DYNC2I1: variants seen among roughly 807,000 people sequenced by gnomAD.
The protein encoded by DYNC2I1 is dynein 2 intermediate chain 1.
DYNC2I1 carries 89 observed loss-of-function variants against 133.4 expected under a neutral mutation model. That is an observed-to-expected ratio of 0.67 (90% CI 0.56 to 0.80). The LOEUF is 0.80. Among genes scored for constraint, DYNC2I1 ranks in the 30% least tolerant of loss-of-function variants. The pLI is 0.00. For missense variants in DYNC2I1, 1,291 were observed against 1,314.5 expected (o/e 0.98, Z 0.28); for synonymous variants, 504 against 484.3 (o/e 1.04, Z -0.54).
intron 1 of DYNC2I1, among the ~76,000 whole-genome samples, chr7:158,857,030 C>T (rs1563062212): frequency 1.3e-5 from 2 of 152,086 alleles, no homozygotes; most frequent in Non-Finnish European, 2.9e-5. Context: ...TCTCCTCGCG[C>T]CCGGCCTGGA....
intron 24 of DYNC2I1, among the ~76,000 whole-genome samples, chr7:158,942,421 T>C (rs1394603942): frequency 1.3e-5 from 2 of 152,336 alleles, no homozygotes; most frequent in East Asian, 3.9e-4. Context: ...CACGGGCCTG[T>C]TCCCACACCA....
chr7:158,877,082 C>T (rs902025685), intron 4 of DYNC2I1, among the ~76,000 whole-genome samples: 9 of 152,234 alleles, frequency 5.9e-5, no homozygotes, highest in African/African-American at 1.7e-4. Flanking sequence ...ACATTTTGAG[C>T]CTTTTCCTGA....
chr7:158,922,355 A>G (rs1481053210), intron 15 of DYNC2I1, 22 bp from the exon 16 acceptor site: 4 of 1,605,046 alleles, frequency 2.5e-6, no homozygotes, highest in African/African-American at 1.3e-5. Flanking sequence ...TTGAAATGTG[A>G]ACATATTTTT....
At chr7:158,947,037 A>G (rs2730218), downstream of DYNC2I1, among the ~76,000 whole-genome samples, 129,490 of 152,272 alleles carry the variant, frequency 0.85, 55,190 homozygotes, top group East Asian at 0.95. Flanking sequence ...CTTTTTAATC[A>G]TTGATTTGAA....
intron 10 of DYNC2I1, chr7:158,905,333 G>A: frequency 3.4e-6 from 1 of 294,304 alleles, no homozygotes; most frequent in Non-Finnish European, 6.6e-6. Flanking sequence ...TAGAGACGGG[G>A]TTTTGCCATG....
At chr7:158,897,983 A>G (rs1037559824) in intron 8 of DYNC2I1, among the ~76,000 whole-genome samples, 8 of 152,020 alleles carry the variant, frequency 5.3e-5, no homozygotes, top group Non-Finnish European at 8.8e-5. Flanking sequence ...TTCTCTTGAG[A>G]TTTGTTTTTT....
intron 14 of DYNC2I1, 117 bp from the exon 15 acceptor site, chr7:158,918,623 C>T (rs780961534): frequency 4.9e-5 from 56 of 1,152,558 alleles, no homozygotes; most frequent in South Asian, 8.8e-5. Context: ...GTTATGATAG[C>T]GTCATGGATC....
chr7:158,873,680 G>A (rs114104006), intron 3 of DYNC2I1, among the ~76,000 whole-genome samples: 151 of 152,238 alleles, frequency 9.9e-4, no homozygotes, highest in African/African-American at 3.6e-3. Context: ...AGGTTGTAGT[G>A]CAGTGGTGTG....
intron 14 of DYNC2I1, among the ~76,000 whole-genome samples, chr7:158,918,229 C>G (rs1477757542): frequency 6.6e-6 from 1 of 152,206 alleles, no homozygotes; most frequent in African/African-American, 2.4e-5. Context: ...CTCTGCCTTC[C>G]TCACTTTCCT....
intron 4 of DYNC2I1, among the ~76,000 whole-genome samples, chr7:158,878,224 G>C (rs1239651470): frequency 2.1e-5 from 3 of 144,522 alleles, no homozygotes; most frequent in African/African-American, 7.9e-5. Flanking sequence ...TGCTGTGTGG[G>C]GAGGCCAGGA....
At chr7:158,855,744 CTT>C (rs1234150547), upstream of DYNC2I1, among the ~76,000 whole-genome samples, 5 of 152,186 alleles carry the variant, frequency 3.3e-5, no homozygotes, top group Non-Finnish European at 5.9e-5. Context: ...CGGTTTCAGG[CTT>C]TCAGCCCTAA....
intron 4 of DYNC2I1, among the ~76,000 whole-genome samples, chr7:158,951,785 G>A (rs1480394809): frequency 6.6e-6 from 1 of 152,212 alleles, no homozygotes; most frequent in Admixed American, 6.5e-5. Flanking sequence ...GAAGGAGCAT[G>A]TTCTTCTCCA....
intron 1 of DYNC2I1, among the ~76,000 whole-genome samples, chr7:158,861,031 C>T (rs928818472): frequency 8.5e-5 from 13 of 152,308 alleles, no homozygotes; most frequent in African/African-American, 2.9e-4. Context: ...CACTGCTCCT[C>T]GCGGTGTAAG....
chr7:158,892,772 C>T (rs771508796), intron 8 of DYNC2I1, among the ~76,000 whole-genome samples: 14 of 151,902 alleles, frequency 9.2e-5, no homozygotes, highest in Non-Finnish European at 1.5e-4. Context: ...GAAACCCCAT[C>T]GCTACTAAAA....
intron 4 of DYNC2I1, among the ~76,000 whole-genome samples, chr7:158,954,987 G>A (rs532065292): frequency 1.3e-5 from 2 of 151,618 alleles, no homozygotes; most frequent in South Asian, 2.1e-4. Flanking sequence ...CAGAGAAAGT[G>A]CCCATTCTAG....
upstream of DYNC2I1, among the ~76,000 whole-genome samples, chr7:158,853,846 T>C (rs1181559338): frequency 3.3e-5 from 5 of 150,792 alleles, no homozygotes; most frequent in East Asian, 9.6e-4. Flanking sequence ...AGAGACGGGC[T>C]TTCTCCATGT....
chr7:158,873,966 C>T (rs1843107611), intron 3 of DYNC2I1, among the ~76,000 whole-genome samples: 1 of 152,122 alleles, frequency 6.6e-6, no homozygotes, highest in South Asian at 2.1e-4. Context: ...ACCATGTTGG[C>T]CAGGCTAGTC....
chr7:158,910,735 G>T (rs1034998550), intron 11 of DYNC2I1, among the ~76,000 whole-genome samples: 1 of 150,928 alleles, frequency 6.6e-6, no homozygotes, highest in Non-Finnish European at 1.5e-5. Flanking sequence ...CGATTAGAGG[G>T]CAGTTGGCTG....
the DYNC2I1 span, among the ~76,000 whole-genome samples, chr7:158,844,421 C>G: frequency 6.6e-6 from 1 of 151,528 alleles, no homozygotes; most frequent in East Asian, 1.9e-4. Flanking sequence ...CATGTTTACT[C>G]ATTTCCTTAA....
Sources: allele counts gnomAD v4.1 joint callset (sites outside exome capture counted in the v4.1 genomes callset), GRCh38; gene constraint gnomAD v4.1.1; transcripts MANE v1.5; gene names NCBI Gene and HGNC (gene_info 2026-07-23, HGNC 2026-07-21).